The following ARMH4 variants were observed in gnomAD, a reference collection of about 807,000 sequenced individuals.
ARMH4 encodes the protein armadillo like helical domain containing 4, also known as armadillo-like helical domain-containing protein 4.
ARMH4 carries 49 observed loss-of-function variants against 61.9 expected under a neutral mutation model. The ratio of observed to expected loss-of-function variants is 0.79; its 90% CI spans 0.63 to 1.00. ARMH4 has a LOEUF of 1.00. Among genes scored for constraint, ARMH4 ranks in the 50% least tolerant of loss-of-function variants. The pLI is 0.00. For synonymous variants in ARMH4, 368 were observed against 341.5 expected (o/e 1.08, Z -0.85); for missense variants, 934 against 930.0 (o/e 1.00, Z -0.06).
chr14:58,107,088 G>C (rs1004623022), intron 4 of ARMH4, among the ~76,000 whole-genome samples: 1 of 152,188 alleles, frequency 6.6e-6, no homozygotes, highest in Non-Finnish European at 1.5e-5. Context: ...TTAATAGGCA[G>C]TTCCCACCAA....
chr14:58,131,356 A>C (rs1246736340), intron 4 of ARMH4, 156 bp downstream of exon 4: 4 of 552,760 alleles, frequency 7.2e-6, no homozygotes, highest in Non-Finnish European at 1.3e-5. Context: ...ACCATTCAAA[A>C]ACAAGTGGCA....
intron 6 of ARMH4, 117 bp from the exon 7 acceptor site, chr14:58,005,299 G>A: frequency 7.6e-7 from 1 of 1,322,542 alleles, no homozygotes; most frequent in Middle Eastern, 2.1e-4. Flanking sequence ...TGTCTGCTTT[G>A]TTGTAAGATA....
intron 2 of ARMH4, among the ~76,000 whole-genome samples, chr14:58,134,676 G>A (rs1287904802): frequency 6.6e-6 from 1 of 152,030 alleles, no homozygotes; most frequent in African/African-American, 2.4e-5. Context: ...TTAATGACAG[G>A]CCAGGCACGG....
chr14:58,142,528 C>G (rs1258025743), intron 1 of ARMH4, among the ~76,000 whole-genome samples: 2 of 151,852 alleles, frequency 1.3e-5, no homozygotes, highest in Non-Finnish European at 2.9e-5. Flanking sequence ...CTCTGTCACC[C>G]AGGCTGGAAT....
intron 5 of ARMH4, among the ~76,000 whole-genome samples, chr14:58,081,010 G>A (rs2141242310): frequency 6.6e-6 from 1 of 152,138 alleles, no homozygotes; most frequent in East Asian, 1.9e-4. Flanking sequence ...GCTGAGGCAG[G>A]AGAATCACTT....
intron 6 of ARMH4, 72 bp downstream of exon 6, chr14:58,012,047 T>G (rs561821987): frequency 1.8e-5 from 20 of 1,087,412 alleles, no homozygotes; most frequent in South Asian, 1.2e-4. Context: ...GCCCTACTAC[T>G]CTGAAGATCT....
At chr14:58,104,414 G>A (rs745737956) in intron 4 of ARMH4, among the ~76,000 whole-genome samples, 1 of 152,224 alleles carries the variant, frequency 6.6e-6, no homozygotes, top group Non-Finnish European at 1.5e-5. Flanking sequence ...GAGCTAGCCT[G>A]AGAAGACAGT....
In ARMH4 at chr14:58,005,126, C is replaced by T. The variant is rs1449605493; in HGVS notation, c.2178G>A (p.Leu726=). The change falls in exon 7 of 8, where the codon TTG becomes TTA. Residue 726 remains leucine (L), a synonymous_variant. Coordinates refer to ENST00000267485, the MANE Select transcript of ARMH4 (RefSeq NM_001001872.4). Reference sequence around the variant, plus strand: ...TGCTGTAGAGGGCTCCCAAGATGAACAAGGCTCCAGCTATCCCAACCCCTA... The same window carrying T: ...TGCTGTAGAGGGCTCCCAAGATGAATAAGGCTCCAGCTATCCCAACCCCTA... The part of the protein sequence containing the change: ...VPVGVGIAGA[L]FILGALYSIK... The T allele has an allele frequency of 6.2e-7, 1 of 1,613,888 alleles. No individual in the cohort carries two copies. The highest frequency in any genetic ancestry group is 1.3e-5 in the African/African-American group (1 of 74,894).
intron 4 of ARMH4, among the ~76,000 whole-genome samples, chr14:58,125,039 A>G (rs958269193): frequency 6.6e-6 from 1 of 152,138 alleles, no homozygotes; most frequent in Non-Finnish European, 1.5e-5. Context: ...AGTCTTTAGG[A>G]GATTATTATT....
chr14:58,122,768 A>G (rs1038809916), intron 4 of ARMH4, among the ~76,000 whole-genome samples: 2 of 152,212 alleles, frequency 1.3e-5, no homozygotes, highest in Non-Finnish European at 2.9e-5. Flanking sequence ...AGATTGTCCA[A>G]ATAGAAGTAA....
chr14:58,099,002 G>A lies in ARMH4; in HGVS notation c.1832-2021C>T, dbSNP rs146587775. On this transcript the variant is annotated intron_variant, in intron 4 of 7. Coordinates refer to ENST00000267485, the MANE Select transcript of ARMH4 (RefSeq NM_001001872.4). ...GAAAGAGGAGAGAGGTAGTCATATC[G>A]GGGATGTAATTTCAAGGTAGAACCC... Among the ~76,000 whole-genome samples, 280 of 152,222 alleles carry A rather than the reference G, an allele frequency of 1.8e-3. No individual in the cohort carries two copies. The South Asian group carries it at 0.018, about 10-fold the overall frequency.
intron 5 of ARMH4, 141 bp downstream of exon 5, chr14:58,096,583 C>T (rs1885756607): frequency 1.2e-6 from 1 of 862,086 alleles, no homozygotes; most frequent in African/African-American, 1.7e-5. Flanking sequence ...ATATTCTTAA[C>T]CACCCATAAA....
At chr14:58,013,818 G>A (rs1444259814) in intron 5 of ARMH4, among the ~76,000 whole-genome samples, 1 of 152,074 alleles carries the variant, frequency 6.6e-6, no homozygotes, top group Non-Finnish European at 1.5e-5. Flanking sequence ...GGCAGGTGAA[G>A]TTCAAGACCA....
chr14:58,034,770 C>G (rs2141171370), intron 5 of ARMH4, among the ~76,000 whole-genome samples: 1 of 47,440 alleles, frequency 2.1e-5, no homozygotes, highest in Admixed American at 1.9e-4. Context: ...TCTGATAAAA[C>G]AGACTTTAAA....
At chr14:58,128,193 A>T in intron 4 of ARMH4, among the ~76,000 whole-genome samples, 1 of 152,242 alleles carries the variant, frequency 6.6e-6, no homozygotes, top group South Asian at 2.1e-4. Context: ...AAATATTAGT[A>T]CTAAAATATT....
At position 58,117,509 on chromosome 14, in the gene ARMH4, G is replaced by A. The variant is rs75396283; in HGVS notation, c.1831+14003C>T. On this transcript the variant is annotated intron_variant, in intron 4 of 7. Transcript: ENST00000267485. ...CTTACATAATAATTTGTGGAAATAT[G>A]CATTTGTTTTATCATACTTACATGC... Among the ~76,000 whole-genome samples the A allele has an allele frequency of 8.7e-3, 1,327 of 152,234 alleles. 28 individuals are homozygous for A. The highest frequency in any genetic ancestry group is 0.03 in the African/African-American group (1,231 of 41,538).
intron 4 of ARMH4, among the ~76,000 whole-genome samples, chr14:58,114,371 C>T (rs188050835): frequency 8.5e-5 from 13 of 152,288 alleles, no homozygotes; most frequent in Non-Finnish European, 1.8e-4. Context: ...TTACCTCTTC[C>T]TTGCAGTTAA....
chr14:58,096,754 G>C lies in ARMH4; in HGVS notation c.2059C>G (p.Leu687Val). 1 of 1,614,018 alleles carries C rather than the reference G, an allele frequency of 6.2e-7. No homozygotes were observed. Residue 687 changes from leucine (L) to valine (V), a missense_variant, in exon 5 of 8, where the codon CTC becomes GTC. Coordinates refer to ENST00000267485, the MANE Select transcript of ARMH4 (RefSeq NM_001001872.4). ...CCTTGATTCTGCTGTTCCCACTCGAGGGCATCTGGCACCTGGTAGGTAGCT... is the reference window on the plus strand; with the variant it reads ...CCTTGATTCTGCTGTTCCCACTCGACGGCATCTGGCACCTGGTAGGTAGCT... ...EGATYQVPDA[L>V]EWEQQNQGLV...
intron 1 of ARMH4, among the ~76,000 whole-genome samples, chr14:58,148,697 T>C (rs1431457374): frequency 6.6e-6 from 1 of 152,238 alleles, no homozygotes; most frequent in African/African-American, 2.4e-5. Flanking sequence ...GTAAGATTTT[T>C]TTAATGACAT....
Sources: gnomAD v4.1 joint callset for allele counts (sites outside exome capture counted in the v4.1 genomes callset) on GRCh38, gnomAD v4.1.1 for gene constraint, MANE v1.5 for transcripts, NCBI Gene and HGNC (gene_info 2026-07-23, HGNC 2026-07-21) for gene names.